SEZ6L: variants seen among roughly 807,000 people sequenced by gnomAD.
SEZ6L encodes the protein seizure related 6 homolog like, also known as seizure 6-like protein.
A neutral mutation model predicts 106.2 loss-of-function variants in SEZ6L; 37 were observed. The ratio of observed to expected loss-of-function variants is 0.35; its 90% CI spans 0.27 to 0.46. The LOEUF (loss-of-function observed/expected upper bound fraction) is 0.46, where lower values mean the gene tolerates loss of function less well. Ranked by LOEUF, SEZ6L falls within the 20% of genes least tolerant of loss-of-function variation. SEZ6L has a pLI of 1.00. For missense variants in SEZ6L, 1,172 were observed against 1,332.8 expected, an observed-to-expected ratio of 0.88 and a Z score of 1.88; for synonymous variants, 541 against 570.4, an observed-to-expected ratio of 0.95 and a Z score of 0.73.
At position 26,299,010 on chromosome 22, in the gene SEZ6L, C is replaced by G; in HGVS notation, c.1189C>G (p.Arg397Gly). 6.3e-7 allele frequency: 1 copy of G among 1,590,430 alleles called. No individual in the cohort carries two copies. Among genetic ancestry groups the G allele is most frequent in the Non-Finnish European group, 8.6e-7 (1 of 1,168,932 alleles). The change falls in exon 5 of 17, where the codon CGC becomes GGC. Residue 397 changes from arginine (R) to glycine (G), a missense_variant. By Grantham distance (125) the Arg-to-Gly change is moderately radical. This residue lies in a region of SEZ6L where 534 missense variants were observed against 691.0 expected (regional missense o/e 0.77). Coordinates refer to ENST00000248933, the MANE Select transcript of SEZ6L (RefSeq NM_021115.5). ...QAFMLSCNFP[R>G]RPDSGDVTVM... ...CTTCATGCTGAGCTGCAACTTTCCC[C>G]GCCGGCCTGACTCTGGGGATGTCAC...
intron 12 of SEZ6L, among the ~76,000 whole-genome samples, chr22:26,352,259 C>A (rs6005020): frequency 4.6e-5 from 7 of 151,572 alleles, no homozygotes; most frequent in African/African-American, 9.7e-5. Flanking sequence ...TGAAGTTACA[C>A]GGAAGGAGCA....
At chr22:26,311,706 A>G (rs1253044434) in intron 7 of SEZ6L, 62 bp from the exon 8 acceptor site, 8 of 1,437,890 alleles carry the variant, frequency 5.6e-6, no homozygotes, top group Non-Finnish European at 6.8e-6. Flanking sequence ...ATCTTCTGAA[A>G]TATAGCACCG....
intron 1 of SEZ6L, among the ~76,000 whole-genome samples, chr22:26,210,322 C>G (rs2078121286): frequency 6.6e-6 from 1 of 152,176 alleles, no homozygotes; most frequent in Admixed American, 6.5e-5. Flanking sequence ...ATCAATTCTC[C>G]CTGTTTCCTT....
chr22:26,373,068 C>A (rs2084093963), intron 13 of SEZ6L, among the ~76,000 whole-genome samples: 2 of 152,210 alleles, frequency 1.3e-5, no homozygotes, highest in South Asian at 4.1e-4. Flanking sequence ...AGAGAAGTCA[C>A]TTCACTTCTC....
intron 1 of SEZ6L, among the ~76,000 whole-genome samples, chr22:26,260,196 A>G (rs1047318912): frequency 2.0e-5 from 3 of 152,094 alleles, no homozygotes; most frequent in Admixed American, 6.6e-5. Flanking sequence ...TACATTAGTA[A>G]GTTCTTCAGT....
chr22:26,245,716 T>C (rs1163527520), intron 1 of SEZ6L, among the ~76,000 whole-genome samples: 1 of 152,228 alleles, frequency 6.6e-6, no homozygotes, highest in Non-Finnish European at 1.5e-5. Context: ...CTGATTGATG[T>C]GTGACCTTGA....
intron 1 of SEZ6L, among the ~76,000 whole-genome samples, chr22:26,202,417 A>T (rs920523195): frequency 1.3e-5 from 2 of 152,154 alleles, no homozygotes; most frequent in African/African-American, 4.8e-5. Context: ...GGGTCTTCAT[A>T]AATTCATGAT....
At chr22:26,307,693 T>C (rs1469983037) in intron 6 of SEZ6L, among the ~76,000 whole-genome samples, 2 of 143,468 alleles carry the variant, frequency 1.4e-5, no homozygotes, top group East Asian at 3.9e-4. Flanking sequence ...TCCTTTCTTC[T>C]GGAGACTCTG....
intron 16 of SEZ6L, among the ~76,000 whole-genome samples, chr22:26,379,141 G>A (rs1308302374): frequency 6.6e-6 from 1 of 152,212 alleles, no homozygotes; most frequent in Non-Finnish European, 1.5e-5. Context: ...TTGTTAGAAT[G>A]AGGGCCTCAA....
At chr22:26,238,412 T>C (rs1406352693) in intron 1 of SEZ6L, among the ~76,000 whole-genome samples, 1 of 152,224 alleles carries the variant, frequency 6.6e-6, no homozygotes, top group East Asian at 1.9e-4. Context: ...GATGGCCTCA[T>C]GACAAGATGG....
intron 5 of SEZ6L, among the ~76,000 whole-genome samples, chr22:26,304,364 AG>A (rs1569454290): frequency 5.8e-5 from 5 of 86,300 alleles, no homozygotes; most frequent in Middle Eastern, 6.0e-3. Context: ...AAAAAAAAAA[AG>A]AAAGAAGAAA....
intron 1 of SEZ6L, among the ~76,000 whole-genome samples, chr22:26,249,339 C>G (rs536692196): frequency 6.6e-6 from 1 of 152,300 alleles, no homozygotes; most frequent in African/African-American, 2.4e-5. Context: ...CCTTCCCAGA[C>G]TCTAGTAACC....
At chr22:26,347,948 TG>T in intron 11 of SEZ6L, 35 bp downstream of exon 11, 1 of 1,506,750 alleles carries the variant, frequency 6.6e-7, no homozygotes, top group Non-Finnish European at 8.8e-7. Flanking sequence ...TCTAGGTCCC[TG>T]GGTGGCAAAT....
At chr22:26,171,415 T>C (rs1938595769) in intron 1 of SEZ6L, among the ~76,000 whole-genome samples, 1 of 151,176 alleles carries the variant, frequency 6.6e-6, no homozygotes, top group Admixed American at 6.6e-5. Flanking sequence ...AACACACATA[T>C]AAAAAGAACC....
chr22:26,342,383 G>A (rs1025007801), intron 10 of SEZ6L, among the ~76,000 whole-genome samples: 24 of 151,992 alleles, frequency 1.6e-4, no homozygotes, highest in African/African-American at 3.6e-4. Flanking sequence ...CTTTCTCCCC[G>A]TTCACTTAAA....
chr22:26,377,043 G>C (rs2084251710), intron 15 of SEZ6L, among the ~76,000 whole-genome samples: 1 of 152,234 alleles, frequency 6.6e-6, no homozygotes, highest in Non-Finnish European at 1.5e-5. Flanking sequence ...ACTTTGGGAG[G>C]CCAAGGCTGG....
chr22:26,223,995 T>C (rs2078563327), intron 1 of SEZ6L, among the ~76,000 whole-genome samples: 1 of 152,200 alleles, frequency 6.6e-6, no homozygotes, highest in African/African-American at 2.4e-5. Flanking sequence ...TACTATTAAA[T>C]TGGCCTCGTT....
chr22:26,233,348 G>T (rs2078859188), intron 1 of SEZ6L, among the ~76,000 whole-genome samples: 1 of 152,220 alleles, frequency 6.6e-6, no homozygotes, highest in Non-Finnish European at 1.5e-5. Flanking sequence ...GCAGGTGGAA[G>T]GTGGACATTT....
At chr22:26,322,493 G>T (rs2082183039) in intron 9 of SEZ6L, among the ~76,000 whole-genome samples, 2 of 152,228 alleles carry the variant, frequency 1.3e-5, no homozygotes, top group South Asian at 2.1e-4. Flanking sequence ...TGGAGGGTGA[G>T]TTGAGGAGGT....
Sources: allele counts gnomAD v4.1 joint callset (sites outside exome capture counted in the v4.1 genomes callset), GRCh38; gene constraint gnomAD v4.1.1; regional missense constraint gnomAD v4.1.1; transcripts MANE v1.5; gene names NCBI Gene and HGNC (gene_info 2026-07-23, HGNC 2026-07-21).